OSBP: variants seen among roughly 807,000 people sequenced by gnomAD.
OSBP encodes oxysterol binding protein.
In OSBP, 32 loss-of-function variants were observed where a neutral mutation model predicts 96.6. The observed-to-expected ratio is 0.33, with a 90% CI of 0.25 to 0.45. The LOEUF (loss-of-function observed/expected upper bound fraction) is 0.45, where lower values mean the gene tolerates loss of function less well. OSBP is among the 20% of genes least tolerant of loss of function. The pLI is 1.00. For missense variants in OSBP, 653 were observed against 1,029.7 expected, an observed-to-expected ratio of 0.63 and a Z score of 5.01; for synonymous variants, 369 against 389.6, an observed-to-expected ratio of 0.95 and a Z score of 0.62.
At position 59,578,207 on chromosome 11, in the gene OSBP, G is replaced by C. The variant is rs1860381813; in HGVS notation, c.2002C>G (p.Gln668Glu). ...CTTTCCTCTGCTTCATGGCCTCTCTGTCGAGCATCACCCCCATTTTCCCCA... is the reference window on the plus strand; with the variant it reads ...CTTTCCTCTGCTTCATGGCCTCTCTCTCGAGCATCACCCCCATTTTCCCCA... ...VIGENGGDAR[Q>E]RGHEAEESRV... Residue 668 changes from glutamine (Q) to glutamate (E), a missense_variant, in exon 12 of 14, where the codon CAG (glutamine) becomes GAG (glutamate). Around this residue, in one of 6 missense-constraint regions of OSBP, gnomAD observed 169 missense variants for 251.5 expected, o/e 0.67. Coordinates refer to ENST00000263847, the MANE Select transcript of OSBP (RefSeq NM_002556.3). 2 of 1,613,998 alleles carry C rather than the reference G, an allele frequency of 1.2e-6. No homozygotes were observed. The highest frequency in any genetic ancestry group is 1.7e-6 in the Non-Finnish European group (2 of 1,180,018).
intron 9 of OSBP, among the ~76,000 whole-genome samples, chr11:59,592,069 G>C (rs1359040462): frequency 2.0e-5 from 3 of 152,164 alleles, no homozygotes; most frequent in African/African-American, 7.2e-5. Context: ...TCTCTATGGT[G>C]AAACATCACA....
intron 2 of OSBP, among the ~76,000 whole-genome samples, chr11:59,609,596 T>C (rs1860820435): frequency 6.6e-6 from 1 of 152,168 alleles, no homozygotes; most frequent in South Asian, 2.1e-4. Flanking sequence ...GAATTCTCCT[T>C]TCACTGATGA....
At chr11:59,601,870 C>A (rs553596975) in intron 3 of OSBP, 32 bp from the exon 4 acceptor site, 1 of 1,598,824 alleles carries the variant, frequency 6.3e-7, no homozygotes, top group Non-Finnish European at 8.6e-7. Context: ...TGTGTCAGCT[C>A]AACTAGTCAG....
chr11:59,614,093 T>C (rs1590681382), intron 1 of OSBP, among the ~76,000 whole-genome samples: 2 of 152,372 alleles, frequency 1.3e-5, no homozygotes, highest in South Asian at 4.1e-4. Flanking sequence ...AAGGAGACTT[T>C]TATACTTTTT....
intron 7 of OSBP, among the ~76,000 whole-genome samples, chr11:59,594,640 T>C (rs542186152): frequency 1.3e-5 from 2 of 152,390 alleles, no homozygotes; most frequent in East Asian, 3.9e-4. Context: ...ATCAGGTATT[T>C]AAAATTCTTG....
intron 9 of OSBP, among the ~76,000 whole-genome samples, chr11:59,584,184 C>G (rs549708351): frequency 3.3e-5 from 5 of 151,700 alleles, no homozygotes; most frequent in African/African-American, 7.3e-5. Flanking sequence ...TGGGCTCAGG[C>G]GATCCTCCCA....
chr11:59,614,565 G>C (rs747190052), intron 1 of OSBP, among the ~76,000 whole-genome samples: 8 of 152,124 alleles, frequency 5.3e-5, no homozygotes, highest in Non-Finnish European at 1.2e-4. Flanking sequence ...CAAAGACATG[G>C]ATTCTTCTTT....
chr11:59,615,431 G>A lies in OSBP; in HGVS notation c.234C>T (p.Gly78=), dbSNP rs1480025831. Residue 78 remains glycine, a synonymous_variant, in exon 1 of 14, where the codon GGC becomes GGT. Transcript: ENST00000263847. ...AACCCCCAGCGCCCGAGCCGCCCGA[G>A]CCCCCAGTCGGCGGCGCAGGGGCCG... ...AGPAPAPPTG[G]SGGSGAGGSG... 2 of 1,493,430 alleles carry A rather than the reference G, an allele frequency of 1.3e-6. No homozygotes were observed. Among genetic ancestry groups the A allele is most frequent in the East Asian group, 2.9e-5 (1 of 34,576 alleles). The allele number at this position is 1,493,430 out of a possible 1,614,324, so 92.5% of individuals were successfully genotyped here. A position where few individuals can be genotyped will look rare whatever the true frequency, so the allele number is the denominator to read the frequency against.
At chr11:59,585,573 G>T (rs1008268169) in intron 9 of OSBP, among the ~76,000 whole-genome samples, 3 of 148,072 alleles carry the variant, frequency 2.0e-5, no homozygotes, top group Admixed American at 6.7e-5. Flanking sequence ...CCGGCCAGCC[G>T]CCCCGTCCGG....
intron 9 of OSBP, 82 bp downstream of exon 9, chr11:59,593,522 T>G (rs1860610993): frequency 2.0e-6 from 3 of 1,504,478 alleles, no homozygotes; most frequent in Non-Finnish European, 2.8e-6. Flanking sequence ...GTCTCCTGAC[T>G]CTTTAGCCAG....
At chr11:59,600,193 C>A (rs1860704753) in intron 7 of OSBP, among the ~76,000 whole-genome samples, 1 of 152,214 alleles carries the variant, frequency 6.6e-6, no homozygotes, top group South Asian at 2.1e-4. Flanking sequence ...AAACTACACA[C>A]TTCTTGAAAA....
At chr11:59,589,564 GC>G (rs1273936662) in intron 9 of OSBP, among the ~76,000 whole-genome samples, 7 of 152,064 alleles carry the variant, frequency 4.6e-5, no homozygotes, top group African/African-American at 1.7e-4. Flanking sequence ...TTGCACCACT[GC>G]CCTCCAGCCT....
Position 59,594,069 on chromosome 11 carries a change from C to T in OSBP, c.1498G>A (p.Gly500Arg), listed in dbSNP as rs1224102128. ...RTSKPFNPLL[G>R]ETFELDRLEE... Reference sequence around the variant, plus strand: ...AATCGGTCCAGCTCAAAGGTCTCCCCAAGCAGTGGGTTGAATGGCTTACTG... The same window carrying T: ...AATCGGTCCAGCTCAAAGGTCTCCCTAAGCAGTGGGTTGAATGGCTTACTG... The change falls in exon 8 of 14, where the codon GGG becomes AGG. Residue 500 changes from glycine to arginine, a missense_variant. Gly to Arg is a moderately radical substitution (Grantham distance 125). Around this residue, in one of 6 missense-constraint regions of OSBP, gnomAD observed 308 missense variants for 573.1 expected, o/e 0.54. Transcript: ENST00000263847. 6.2e-7 allele frequency: 1 copy of T among 1,614,102 alleles called. No individual in the cohort carries two copies. Among genetic ancestry groups the T allele is most frequent in the Admixed American group, 1.7e-5 (1 of 60,004 alleles).
chr11:59,608,633 T>A lies in OSBP; in HGVS notation c.673A>T (p.Asn225Tyr). The A allele has an allele frequency of 6.2e-7, 1 of 1,614,190 alleles. No individual in the cohort carries two copies. The change falls in exon 3 of 14, where the codon AAT becomes TAT. Residue 225 changes from asparagine (N) to tyrosine (Y), a missense_variant. This residue lies in a region of OSBP where 308 missense variants were observed against 573.1 expected (regional missense o/e 0.54). Coordinates refer to ENST00000263847, the MANE Select transcript of OSBP (RefSeq NM_002556.3). ...SSKVEDLSTC[N>Y]DLIAKHGTAL... ...GTGCCATGCTTAGCTATCAAGTCATTGCACGTGCTCAAGTCCTCTACTTTG... is the reference window on the plus strand; with the variant it reads ...GTGCCATGCTTAGCTATCAAGTCATAGCACGTGCTCAAGTCCTCTACTTTG...
intron 3 of OSBP, among the ~76,000 whole-genome samples, chr11:59,606,140 T>G (rs1860777353): frequency 6.6e-6 from 1 of 152,224 alleles, no homozygotes; most frequent in African/African-American, 2.4e-5. Context: ...ATCCCTTTAA[T>G]TCTCCATCCC....
chr11:59,601,115 C>CAAAAAAAAAA (rs11405726), intron 5 of OSBP, among the ~76,000 whole-genome samples, 168 bp downstream of exon 5: 1 of 113,868 alleles, frequency 8.8e-6, no homozygotes. Context: ...GATCTTGAGA[C>CAAAAAAAAAA]AAAAAAAAAA....
Position 59,578,300 on chromosome 11 carries a change from T to C in OSBP, c.1909A>G (p.Lys637Glu), listed in dbSNP as rs775328755. The C allele has an allele frequency of 1.2e-6, 2 of 1,614,128 alleles. No homozygotes were observed. Among genetic ancestry groups the C allele is most frequent in the African/African-American group, 1.3e-5 (1 of 74,938 alleles). Residue 637 changes from lysine to glutamate, a missense_variant, in exon 12 of 14, where the codon AAA becomes GAA. Transcript: ENST00000263847. ...VTGEVTDPSG[K>E]VHFALLGTWD... The stretch of plus-strand genomic sequence containing the variant: ...GTCCCCAGAAGAGCAAAGTGGACTT[T>C]TCCTGATGGATCTGTCACTTCCCCC...
In OSBP at chr11:59,608,360, T is replaced by C. The variant is rs886307495; in HGVS notation, c.822+124A>G. 61 of 1,159,410 alleles carry C rather than the reference T, an allele frequency of 5.3e-5. 1 individual carries two copies. In the South Asian group the frequency reaches 7.6e-4, roughly 14 times the overall value. The allele number at this position is 1,159,410 out of a possible 1,614,324, so 71.8% of individuals were successfully genotyped here. A position where few individuals can be genotyped will look rare whatever the true frequency, so the allele number is the denominator to read the frequency against. ...CAGTAAACAATGTAACTTAAAGCCCTTGACCAGTGAAGCAGGCCCTAATGT... is the reference window on the plus strand; with the variant it reads ...CAGTAAACAATGTAACTTAAAGCCCCTGACCAGTGAAGCAGGCCCTAATGT... On this transcript the variant is annotated intron_variant, in intron 3 of 13. Coordinates refer to ENST00000263847, the MANE Select transcript of OSBP (RefSeq NM_002556.3).
Position 59,576,439 on chromosome 11 carries a change from A to G in OSBP, c.*138T>C, listed in dbSNP as rs980944557. 1.3e-5 allele frequency: 13 copies of G among 977,628 alleles called. No homozygotes were observed. The Admixed American group carries it at 3.1e-4, about 23-fold the overall frequency. 60.6% of individuals were successfully genotyped at this position (977,628 alleles called of 1,614,324 possible). On this transcript the variant is annotated 3_prime_UTR_variant, in exon 14 of 14. Coordinates refer to ENST00000263847, the MANE Select transcript of OSBP (RefSeq NM_002556.3). ...CCACCACTGGTGTCTCCTTCTGGTG[A>G]TTGATTTGGAAAAAATGATTGGTCA...
Sources: gnomAD v4.1 joint callset for allele counts (sites outside exome capture counted in the v4.1 genomes callset) on GRCh38, gnomAD v4.1.1 for gene constraint, gnomAD v4.1.1 regional missense constraint, MANE v1.5 for transcripts, NCBI Gene and HGNC (gene_info 2026-07-23, HGNC 2026-07-21) for gene names.